EPHA4: variants seen among roughly 807,000 people sequenced by gnomAD.
EPHA4 encodes the protein EPH receptor A4, also known as ephrin type-A receptor 4.
Under a neutral mutation model 108.3 loss-of-function variants are expected in EPHA4, and 19 were observed. The observed-to-expected ratio is 0.18, with a 90% confidence interval of 0.12 to 0.26. EPHA4 has a LOEUF of 0.26. EPHA4 is among the 10% of genes least tolerant of loss of function. The pLI, the probability that EPHA4 is intolerant of heterozygous loss-of-function variation, is 1.00. For synonymous variants in EPHA4, 449 were observed against 455.5 expected, an observed-to-expected ratio of 0.99 and a Z score of 0.18; for missense variants, 917 against 1,254.0, an observed-to-expected ratio of 0.73 and a Z score of 4.06.
Position 221,566,933 on chromosome 2 carries a change from A to AAGAG in EPHA4, c.159+1784_159+1785insCTCT, listed in dbSNP as rs1559297283. Among the ~76,000 whole-genome samples the AAGAG allele has an allele frequency of 2.2e-4, 10 of 44,904 alleles. 4 individuals carry two copies. Among genetic ancestry groups the AAGAG allele is most frequent in the African/African-American group, 1.5e-3 (10 of 6,828 alleles). 29.5% of individuals were successfully genotyped at this position (44,904 alleles called of 152,430 possible). A position where few individuals can be genotyped will look rare whatever the true frequency, so the allele number is the denominator to read the frequency against. Reference sequence around the variant, plus strand: ...GAGAAGGAGAAGGAGAAGGAGAAGGAGAAGGAGAAGGAGAAGGAGAAGGGG... The same window carrying AAGAG: ...GAGAAGGAGAAGGAGAAGGAGAAGGAAGAGGAAGGAGAAGGAGAAGGAGAAGGGG... On this transcript the variant is annotated intron_variant, in intron 2 of 17. Coordinates refer to ENST00000281821, the MANE Select transcript of EPHA4 (RefSeq NM_004438.5).
At chr2:221,541,634 A>C (rs1272787625) in intron 3 of EPHA4, among the ~76,000 whole-genome samples, 2 of 152,214 alleles carry the variant, frequency 1.3e-5, no homozygotes, top group East Asian at 3.9e-4. Context: ...GCAAAACAGA[A>C]ATGCAATCTA....
chr2:221,464,613 T>G (rs1691250802), intron 5 of EPHA4, among the ~76,000 whole-genome samples: 1 of 152,220 alleles, frequency 6.6e-6, no homozygotes, highest in Non-Finnish European at 1.5e-5. Context: ...TATTTTATAG[T>G]ACAAGAGTTT....
chr2:221,457,812 AGAAG>A (rs879197221), intron 6 of EPHA4, 50 bp downstream of exon 6: 314 of 1,585,220 alleles, frequency 2.0e-4, no homozygotes, highest in African/African-American at 1.1e-3. Flanking sequence ...AAGAAAACAA[AGAAG>A]GAAGGAAGGA....
In EPHA4 at chr2:221,564,411, C is replaced by G; in HGVS notation, c.160-17G>C. 6.3e-7 allele frequency: 1 copy of G among 1,590,806 alleles called. No homozygotes were observed. On this transcript the variant is annotated splice_polypyrimidine_tract_variant and intron_variant, in intron 2 of 17. Transcript: ENST00000281821. ...TTCCTCCCACTGCAAAGATCCAAAG[C>G]AGATGTATCAACTACAAAGTTTCAT...
intron 3 of EPHA4, among the ~76,000 whole-genome samples, chr2:221,547,581 T>G (rs1295496329): frequency 3.3e-5 from 5 of 152,216 alleles, no homozygotes; most frequent in African/African-American, 7.2e-5. Context: ...CCGTTCAAAA[T>G]AACACAAGGG....
intron 3 of EPHA4, among the ~76,000 whole-genome samples, chr2:221,515,010 T>C (rs572066028): frequency 6.6e-6 from 1 of 152,314 alleles, no homozygotes; most frequent in East Asian, 1.9e-4. Flanking sequence ...CAAGCAGATC[T>C]CTAGACCAAC....
At chr2:221,513,249 C>A (rs1395897693) in intron 3 of EPHA4, among the ~76,000 whole-genome samples, 1 of 152,172 alleles carries the variant, frequency 6.6e-6, no homozygotes, top group Non-Finnish European at 1.5e-5. Flanking sequence ...TTATGCATAT[C>A]TTACACTTGC....
chr2:221,563,685 C>T (rs1288117439), intron 3 of EPHA4, 46 bp downstream of exon 3: 3 of 1,583,856 alleles, frequency 1.9e-6, no homozygotes, highest in East Asian at 2.2e-5. Context: ...GATTTAATTA[C>T]TCGCACTAAG....
chr2:221,429,833 C>T, intron 15 of EPHA4, 125 bp downstream of exon 15: 1 of 968,552 alleles, frequency 1.0e-6, no homozygotes, highest in Non-Finnish European at 1.6e-6. Flanking sequence ...AGAAAGAAGC[C>T]ACCCAGGTTG....
intron 11 of EPHA4, among the ~76,000 whole-genome samples, chr2:221,441,489 A>G (rs751781898): frequency 6.6e-6 from 1 of 152,012 alleles, no homozygotes; most frequent in Non-Finnish European, 1.5e-5. Context: ...TCCATCACCC[A>G]ATAAAACCTA....
chr2:221,456,031 G>C (rs1252023375), intron 7 of EPHA4, among the ~76,000 whole-genome samples: 1 of 151,864 alleles, frequency 6.6e-6, no homozygotes, highest in South Asian at 2.1e-4. Context: ...GCCCAATTTG[G>C]GTTCATTGAT....
rs368365896 is a variant in EPHA4 at position 221,453,943 on chromosome 2, G to A, written c.1715+1604C>T. Among the ~76,000 whole-genome samples the A allele has an allele frequency of 3.7e-4, 57 of 152,162 alleles. No individual in the cohort carries two copies. The East Asian group carries it at 4.1e-3, about 11-fold the overall frequency. ...TGTAATCCCAGCACTTTGGGAGGCC[G>A]AGGCAGGCGGATCACTTGAGGTCAG... On this transcript the variant is annotated intron_variant, in intron 8 of 17. Coordinates refer to ENST00000281821, the MANE Select transcript of EPHA4 (RefSeq NM_004438.5).
chr2:221,482,548 G>A lies in EPHA4; in HGVS notation c.1122C>T (p.Pro374=), dbSNP rs1691852066. Residue 374 remains proline (P), a synonymous_variant, in exon 5 of 18, where the codon CCC becomes CCT. Coordinates refer to ENST00000281821, the MANE Select transcript of EPHA4 (RefSeq NM_004438.5). ...CACTTCCACAGGGTCGGCACTTGCT[G>A]GGGTCACCAGCTCCACATTTCTTGC... is the stretch of plus-strand genomic sequence containing the variant. ...VVCKKCGAGD[P]SKCRPCGSGV... The A allele has an allele frequency of 6.2e-7, 1 of 1,614,070 alleles. No individual in the cohort carries two copies. The highest frequency in any genetic ancestry group is 1.7e-4 in the Middle Eastern group (1 of 6,056).
At chr2:221,458,746 C>T (rs1435466802) in intron 5 of EPHA4, among the ~76,000 whole-genome samples, 8 of 152,120 alleles carry the variant, frequency 5.3e-5, no homozygotes, top group Non-Finnish European at 1.0e-4. Flanking sequence ...CCAGGCTGCC[C>T]GATGCTCACT....
chr2:221,433,829 AG>A (rs1289243758), intron 14 of EPHA4, among the ~76,000 whole-genome samples: 1 of 152,214 alleles, frequency 6.6e-6, no homozygotes, highest in Non-Finnish European at 1.5e-5. Flanking sequence ...TTTTCTTAAA[AG>A]TCAAAGTTTA....
intron 16 of EPHA4, 93 bp from the exon 17 acceptor site, chr2:221,426,235 C>A: frequency 8.2e-7 from 1 of 1,214,008 alleles, no homozygotes; most frequent in Non-Finnish European, 1.2e-6. Context: ...TTTGAATCAG[C>A]CACAATTAAT....
At chr2:221,498,929 T>C (rs1159536747) in intron 4 of EPHA4, among the ~76,000 whole-genome samples, 1 of 151,838 alleles carries the variant, frequency 6.6e-6, no homozygotes, top group African/African-American at 2.4e-5. Flanking sequence ...CAGCTGGGAT[T>C]ACAGGCTCAC....
At chr2:221,550,498 AAAC>A (rs1447057293) in intron 3 of EPHA4, among the ~76,000 whole-genome samples, 2 of 152,032 alleles carry the variant, frequency 1.3e-5, no homozygotes, top group East Asian at 3.9e-4. Context: ...AATTCAAAAT[AAAC>A]AATAAAAATT....
intron 3 of EPHA4, among the ~76,000 whole-genome samples, chr2:221,551,512 T>G (rs1188513222): frequency 1.3e-5 from 2 of 152,160 alleles, no homozygotes; most frequent in African/African-American, 2.4e-5. Flanking sequence ...AGAAGAAAGA[T>G]CTAACAATGC....
Sources: allele counts gnomAD v4.1 joint callset (sites outside exome capture counted in the v4.1 genomes callset), GRCh38; gene constraint gnomAD v4.1.1; transcripts MANE v1.5; gene names NCBI Gene and HGNC (gene_info 2026-07-23, HGNC 2026-07-21).